Variants in DNASE1 observed in about 807,000 individuals in gnomAD.
DNASE1 encodes deoxyribonuclease-1.
In DNASE1, 40 loss-of-function variants were observed where a neutral mutation model predicts 33.9. The ratio of observed to expected loss-of-function variants is 1.18; its 90% CI spans 0.92 to 1.54. The LOEUF is 1.54. Among genes scored for constraint, DNASE1 ranks in the 40% most tolerant of loss-of-function variants. The pLI is 0.00. For missense variants in DNASE1, 518 were observed against 372.6 expected (o/e 1.39, Z -3.21); for synonymous variants, 216 against 160.0 (o/e 1.35, Z -2.64).
At chr16:3,664,514 C>T in exon 10 of DNASE1, 1 of 1,542,108 alleles carries the variant, frequency 6.5e-7, no homozygotes, top group South Asian at 1.2e-5. Context: ...CTCAATGTTG[C>T]CCAACTAACT....
At chr16:3,626,866 ATT>A in intron 1 of DNASE1, among the ~76,000 whole-genome samples, 1 of 151,730 alleles carries the variant, frequency 6.6e-6, no homozygotes. Flanking sequence ...GCCCTCTTTT[ATT>A]TATTTTATTT....
Position 3,628,974 on chromosome 16 carries a change from C to G in DNASE1, c.-1358-11741C>G, listed in dbSNP as rs560356613. Reference sequence around the variant, plus strand: ...ATCACTTGAGGTCAGGAGTTTGAGACTAGCCTGGCCAACATAGTGAAACCC... The same window carrying G: ...ATCACTTGAGGTCAGGAGTTTGAGAGTAGCCTGGCCAACATAGTGAAACCC... On this transcript the variant is annotated intron_variant and NMD_transcript_variant, in intron 1 of 11. Coordinates refer to the DNASE1 transcript ENST00000570769. 1.8e-3 allele frequency among the ~76,000 whole-genome samples: 275 copies of G among 149,096 alleles called. 2 individuals carry two copies. The highest frequency in any genetic ancestry group is 3.0e-3 in the Non-Finnish European group (204 of 67,024).
chr16:3,653,806 C>CAAAAAAAAAA (rs71133649), upstream of DNASE1: 18 of 37,036 alleles, frequency 4.9e-4, 2 homozygotes, highest in East Asian at 2.4e-3. Context: ...GATTCCGCCT[C>CAAAAAAAAAA]AAAAAAAAAA....
At chr16:3,632,758 G>A (rs2041739042) in intron 1 of DNASE1, among the ~76,000 whole-genome samples, 1 of 151,828 alleles carries the variant, frequency 6.6e-6, no homozygotes, top group African/African-American at 2.4e-5. Context: ...GGTAATTTTT[G>A]TATTTTTAGT....
intron 1 of DNASE1, among the ~76,000 whole-genome samples, chr16:3,631,553 C>G (rs1284661528): frequency 2.0e-5 from 3 of 149,706 alleles, no homozygotes; most frequent in African/African-American, 7.4e-5. Context: ...GAGACGGAGT[C>G]TCGCTCTGTT....
intron 1 of DNASE1, among the ~76,000 whole-genome samples, chr16:3,627,718 A>T (rs1487332576): frequency 1.3e-5 from 2 of 152,150 alleles, no homozygotes; most frequent in African/African-American, 4.8e-5. Context: ...ATTTGACCAT[A>T]TATGCCAGGA....
At chr16:3,659,163 A>G (rs1220294395), downstream of DNASE1, 2 of 308,838 alleles carry the variant, frequency 6.5e-6, no homozygotes, top group Non-Finnish European at 1.2e-5. Context: ...CTAGATAAAT[A>G]ATAAAAGAGA....
intron 1 of DNASE1, among the ~76,000 whole-genome samples, chr16:3,620,742 G>C (rs1340491256): frequency 6.6e-6 from 1 of 150,556 alleles, no homozygotes. Flanking sequence ...CTAAATCTAG[G>C]ATTTCTAGGC....
chr16:3,615,177 TG>T (rs2041056829), intron 1 of DNASE1, among the ~76,000 whole-genome samples: 1 of 152,176 alleles, frequency 6.6e-6, no homozygotes, highest in South Asian at 2.1e-4. Context: ...GTCTCAAGAT[TG>T]AGAAGCACTG....
chr16:3,618,108 C>G (rs994994056), intron 1 of DNASE1, among the ~76,000 whole-genome samples: 2 of 143,358 alleles, frequency 1.4e-5, no homozygotes, highest in African/African-American at 5.3e-5. Flanking sequence ...AAAAAATGGA[C>G]ATAGGACTTG....
downstream of DNASE1, chr16:3,663,057 C>A: frequency 1.0e-6 from 1 of 979,468 alleles, no homozygotes; most frequent in South Asian, 1.6e-5. Flanking sequence ...CAGCTCCCAC[C>A]TCCTCTCCCA....
chr16:3,654,724 C>T lies in DNASE1; in HGVS notation c.-322C>T, dbSNP rs1044928096. ...TACAGCAGCAAGAAACCTGTGCTTA[C>T]AGAAAGAAACACGTGCTAGCAACCC... On this transcript the variant is annotated 5_prime_UTR_variant, in exon 1 of 9. Coordinates refer to ENST00000246949, the MANE Select transcript of DNASE1 (RefSeq NM_005223.4). 7.5e-6 allele frequency: 3 copies of T among 399,244 alleles called. No homozygotes were observed. Among genetic ancestry groups the T allele is most frequent in the South Asian group, 1.3e-4 (1 of 7,896 alleles). The allele number at this position is 399,244 out of a possible 1,614,324, so 24.7% of individuals were successfully genotyped here.
rs144059899 is a variant in DNASE1, at chr16:3,656,702, G to C, written c.385G>C (p.Asp129His). 2.4e-5 allele frequency: 38 copies of C among 1,613,036 alleles called. No homozygotes were observed. The highest frequency in any genetic ancestry group is 3.1e-5 in the Non-Finnish European group (36 of 1,179,592). Residue 129 changes from aspartate to histidine, a missense_variant, in exon 5 of 9, where the codon GAC becomes CAC. Transcript: ENST00000246949. ...YDDGCEPCGN[D>H]TFNREPAIVR... ...TGATGGCTGCGAGCCCTGCGGGAAC[G>C]ACACCTTCAACCGAGAGCCAGCCAT...
intron 7 of DNASE1, 97 bp from the exon 8 acceptor site, chr16:3,657,623 C>G (rs2042767704): frequency 3.9e-6 from 6 of 1,521,960 alleles, no homozygotes; most frequent in Non-Finnish European, 4.5e-6. Flanking sequence ...CAGACCTGCA[C>G]TGGCAGGTCC....
At chr16:3,648,669 C>G (rs1304106943) in intron 1 of DNASE1, among the ~76,000 whole-genome samples, 2 of 152,180 alleles carry the variant, frequency 1.3e-5, no homozygotes, top group Admixed American at 6.6e-5. Flanking sequence ...TCTTTAAAAA[C>G]AAAACATAAG....
chr16:3,614,988 T>C (rs2041048753), intron 1 of DNASE1, among the ~76,000 whole-genome samples: 1 of 152,182 alleles, frequency 6.6e-6, no homozygotes, highest in Admixed American at 6.5e-5. Flanking sequence ...TTTATTTACA[T>C]AAAATAAATT....
intron 1 of DNASE1, among the ~76,000 whole-genome samples, chr16:3,614,393 C>G (rs536728786): frequency 1.7e-4 from 26 of 152,158 alleles, no homozygotes; most frequent in Non-Finnish European, 3.5e-4. Context: ...AGGAGGCGTG[C>G]CACCACGTTC....
upstream of DNASE1, among the ~76,000 whole-genome samples, chr16:3,641,601 A>C (rs1449863526): frequency 1.3e-5 from 2 of 152,204 alleles, no homozygotes; most frequent in African/African-American, 4.8e-5. Context: ...TTCTCCATGT[A>C]GTTCAGCCCC....
downstream of DNASE1, chr16:3,658,122 C>CTGGCTGT (rs749743184): frequency 2.5e-6 from 4 of 1,613,888 alleles, no homozygotes; most frequent in South Asian, 4.4e-5. Flanking sequence ...TTCTGGCCCC[C>CTGGCTGT]TGGCTGTCAG....
Sources: allele counts gnomAD v4.1 joint callset (sites outside exome capture counted in the v4.1 genomes callset), GRCh38; gene constraint gnomAD v4.1.1; transcripts MANE v1.5; gene names NCBI Gene and HGNC (gene_info 2026-07-23, HGNC 2026-07-21).